Variants in FRZB observed in about 807,000 individuals in gnomAD.
The protein encoded by FRZB is frizzled related protein.
FRZB carries 34 observed loss-of-function variants against 32.5 expected under a neutral mutation model. That is an observed-to-expected ratio of 1.05 (90% CI 0.80 to 1.39). The LOEUF (loss-of-function observed/expected upper bound fraction) is 1.39. Among genes scored for constraint, FRZB ranks in the 40% most tolerant of loss-of-function variants. The probability of loss-of-function intolerance (pLI) is 0.00; values close to 1 mark genes in which losing one functional copy is unlikely to be tolerated. For missense variants in FRZB, 423 were observed against 424.8 expected, an observed-to-expected ratio of 1.00 and a Z score of 0.04; for synonymous variants, 170 against 159.2, an observed-to-expected ratio of 1.07 and a Z score of -0.51.
At chr2:182,859,502 G>A (rs534207765) in intron 1 of FRZB, among the ~76,000 whole-genome samples, 10 of 152,030 alleles carry the variant, frequency 6.6e-5, no homozygotes, top group African/African-American at 1.2e-4. Flanking sequence ...GTGCACCAGC[G>A]GAACACCGTG....
intron 2 of FRZB, among the ~76,000 whole-genome samples, chr2:182,857,363 G>C (rs1240882386): frequency 6.6e-6 from 1 of 152,168 alleles, no homozygotes; most frequent in Non-Finnish European, 1.5e-5. Context: ...GCTCACGTGT[G>C]TAATCCCAGC....
chr2:182,842,400 T>G (rs952946058), intron 3 of FRZB, 78 bp downstream of exon 3: 14 of 991,936 alleles, frequency 1.4e-5, no homozygotes, highest in Non-Finnish European at 2.1e-5. Context: ...CTCGTTTACA[T>G]GTGCACATCC....
chr2:182,857,855 C>T (rs571115041), intron 2 of FRZB, among the ~76,000 whole-genome samples: 29 of 152,152 alleles, frequency 1.9e-4, no homozygotes, highest in Non-Finnish European at 3.5e-4. Context: ...AATTATTGAA[C>T]ATTTTACCAA....
rs1695598779 is a variant in FRZB, at chr2:182,842,637, T to C, written c.527-94A>G. On this transcript the variant is annotated intron_variant, in intron 2 of 5. Transcript: ENST00000295113. ...ATTTTTTGCTCAGACTAGATCTCAA[T>C]TTGGTGGTGAGAAGGCTCTTGTCAA... The C allele has an allele frequency of 4.4e-6, 4 of 910,384 alleles. No individual in the cohort carries two copies. In the Admixed American group the frequency reaches 8.1e-5, roughly 18 times the overall value. The allele number at this position is 910,384 out of a possible 1,614,324, so 56.4% of individuals were successfully genotyped here. A position where few individuals can be genotyped will look rare whatever the true frequency, so the allele number is the denominator to read the frequency against.
At chr2:182,842,617 T>C in intron 2 of FRZB, 74 bp from the exon 3 acceptor site, 3 of 1,196,494 alleles carry the variant, frequency 2.5e-6, no homozygotes, top group Non-Finnish European at 1.2e-6. Context: ...CTCACATTTT[T>C]TGCTCAGACT....
At position 182,858,817 on chromosome 2, in the gene FRZB, A is replaced by G; in HGVS notation, c.495T>C (p.Ser165=). 6.2e-7 allele frequency: 1 copy of G among 1,610,248 alleles called. No individual in the cohort carries two copies. Among genetic ancestry groups the G allele is most frequent in the Non-Finnish European group, 8.5e-7 (1 of 1,177,346 alleles). The change falls in exon 2 of 6, where the codon TCT becomes TCC. Residue 165 remains serine (S), a synonymous_variant. Coordinates refer to ENST00000295113, the MANE Select transcript of FRZB (RefSeq NM_001463.4). ...TADGADFPMD[S]SNGNCRGASS... ...TTGCCCCTCTACAGTTTCCGTTACT[A>G]GAATCCATAGGAAAATCTGAAAGGA...
chr2:182,855,587 A>C (rs1291456890), intron 2 of FRZB, among the ~76,000 whole-genome samples: 2 of 152,210 alleles, frequency 1.3e-5, no homozygotes, highest in Non-Finnish European at 2.9e-5. Context: ...GGCCAATAGA[A>C]ATTACCTAAT....
chr2:182,838,922 T>A (rs1695557499), intron 3 of FRZB, among the ~76,000 whole-genome samples: 2 of 152,138 alleles, frequency 1.3e-5, no homozygotes, highest in African/African-American at 4.8e-5. Context: ...GAGTCAACAA[T>A]CTGATACAAT....
At chr2:182,843,670 G>A (rs1028341571) in intron 2 of FRZB, among the ~76,000 whole-genome samples, 1 of 152,168 alleles carries the variant, frequency 6.6e-6, no homozygotes. Flanking sequence ...TGTAATCCCA[G>A]CACTCACTTT....
chr2:182,858,942 C>T (rs1695800580), intron 1 of FRZB, 109 bp from the exon 2 acceptor site: 2 of 887,260 alleles, frequency 2.3e-6, no homozygotes, highest in East Asian at 4.9e-5. Context: ...ATCCAATTGT[C>T]TGAAGGAAGT....
At chr2:182,846,228 C>G (rs1695638615) in intron 2 of FRZB, among the ~76,000 whole-genome samples, 1 of 152,184 alleles carries the variant, frequency 6.6e-6, no homozygotes, top group Non-Finnish European at 1.5e-5. Flanking sequence ...TGGACTGTCA[C>G]TATTTAATGC....
At chr2:182,854,340 G>A (rs1695743116) in intron 2 of FRZB, among the ~76,000 whole-genome samples, 1 of 152,134 alleles carries the variant, frequency 6.6e-6, no homozygotes, top group Non-Finnish European at 1.5e-5. Flanking sequence ...AAGCAGATCT[G>A]AAACCTGAAC....
chr2:182,855,705 T>C (rs1695760805), intron 2 of FRZB, among the ~76,000 whole-genome samples: 1 of 152,102 alleles, frequency 6.6e-6, no homozygotes. Context: ...GAAGAGACTA[T>C]TGTGTAAAAA....
At chr2:182,849,308 AC>A (rs1303533172) in intron 2 of FRZB, among the ~76,000 whole-genome samples, 1 of 152,140 alleles carries the variant, frequency 6.6e-6, no homozygotes, top group Non-Finnish European at 1.5e-5. Context: ...GATGATGGTT[AC>A]ATAAATATAT....
Position 182,834,567 on chromosome 2 carries a change from T to C in FRZB, c.*282A>G, listed in dbSNP as rs1238118771. 1 of 395,324 alleles carries C rather than the reference T, an allele frequency of 2.5e-6. No individual in the cohort carries two copies. Among genetic ancestry groups the C allele is most frequent in the Non-Finnish European group, 4.6e-6 (1 of 217,426 alleles). 24.5% of individuals were successfully genotyped at this position (395,324 alleles called of 1,614,324 possible). ...CAGCAAAGAGGCTCTGGTAACAGCA[T>C]GTTTAATTTATTATTATTGCAAAAG... is the stretch of plus-strand genomic sequence containing the variant. On this transcript the variant is annotated 3_prime_UTR_variant, in exon 6 of 6. Coordinates refer to ENST00000295113, the MANE Select transcript of FRZB (RefSeq NM_001463.4).
rs541564082 is a variant in FRZB, at chr2:182,866,319, G to A, written c.234C>T (p.Thr78=). The change falls in exon 1 of 6, where the codon ACC becomes ACT. Residue 78 remains threonine (T), a synonymous_variant. Coordinates refer to ENST00000295113, the MANE Select transcript of FRZB (RefSeq NM_001463.4). The surrounding 1 kb of genome is among the most constrained non-coding windows in gnomAD (Gnocchi z 4.5). The part of the protein sequence containing the change: ...AIEQFEGLLG[T]HCSPDLLFFL... Reference sequence around the variant, plus strand: ...AGAAGAGCAGATCGGGGCTGCAGTGGGTGCCCAGCAGACCTTCGAACTGCT... The same window carrying A: ...AGAAGAGCAGATCGGGGCTGCAGTGAGTGCCCAGCAGACCTTCGAACTGCT... 5.3e-5 allele frequency: 86 copies of A among 1,614,248 alleles called. 1 individual carries two copies. In the South Asian group the frequency reaches 9.1e-4, roughly 17 times the overall value.
chr2:182,866,307 G>C lies in FRZB; in HGVS notation c.246C>G (p.Pro82=), dbSNP rs1300298750. ...TGGCACAGAGGAAGAAGAGCAGATC[G>C]GGGCTGCAGTGGGTGCCCAGCAGAC... The part of the protein sequence containing the change: ...FEGLLGTHCS[P]DLLFFLCAMY... The change falls in exon 1 of 6, where the codon CCC becomes CCG. Residue 82 remains proline, a synonymous_variant. Coordinates refer to ENST00000295113, the MANE Select transcript of FRZB (RefSeq NM_001463.4). This position sits in a 1 kb window ranked among gnomAD's most constrained non-coding sequence, Gnocchi z 4.5. 1 of 1,614,238 alleles carries C rather than the reference G, an allele frequency of 6.2e-7. No individual in the cohort carries two copies. The highest frequency in any genetic ancestry group is 2.2e-5 in the East Asian group (1 of 44,880).
At position 182,862,437 on chromosome 2, in the gene FRZB, G is replaced by T. The variant is rs574957206; in HGVS notation, c.479-3604C>A. ...CTCCACCAGACTCATTCTTTTTTCTGTCGCTCCCAAGGGGATCTGCTCTTG... is the reference window on the plus strand; with the variant it reads ...CTCCACCAGACTCATTCTTTTTTCTTTCGCTCCCAAGGGGATCTGCTCTTG... On this transcript the variant is annotated intron_variant, in intron 1 of 5. Coordinates refer to ENST00000295113, the MANE Select transcript of FRZB (RefSeq NM_001463.4). Among the ~76,000 whole-genome samples, 17 of 152,238 alleles carry T rather than the reference G, an allele frequency of 1.1e-4. No individual in the cohort carries two copies. The East Asian group carries it at 3.1e-3, about 28-fold the overall frequency.
At chr2:182,840,997 T>C (rs1480092086) in intron 3 of FRZB, among the ~76,000 whole-genome samples, 1 of 152,086 alleles carries the variant, frequency 6.6e-6, no homozygotes, top group Non-Finnish European at 1.5e-5. Context: ...TATATAAAAG[T>C]TCAGAAAGCA....
Sources: gnomAD v4.1 joint callset for allele counts (sites outside exome capture counted in the v4.1 genomes callset) on GRCh38, gnomAD v4.1.1 for gene constraint, Gnocchi (gnomAD v3.1) non-coding constraint, MANE v1.5 for transcripts, NCBI Gene and HGNC (gene_info 2026-07-23, HGNC 2026-07-21) for gene names.